Variants in CARHSP1 observed in about 807,000 individuals in gnomAD.
CARHSP1 encodes calcium-regulated heat-stable protein 1.
A neutral mutation model predicts 12.5 loss-of-function variants in CARHSP1; 14 were observed. That is an observed-to-expected ratio of 1.12 (90% CI 0.74 to 1.75). CARHSP1 has a LOEUF of 1.75. Ranked by LOEUF, CARHSP1 falls within the 40% of genes most tolerant of loss-of-function variation. The pLI is 0.00. For missense variants in CARHSP1, 343 were observed against 201.6 expected (o/e 1.70, Z -4.25); for synonymous variants, 161 against 82.0 (o/e 1.96, Z -5.20).
chr16:8,859,693 A>G, intron 1 of CARHSP1: 1 of 175,580 alleles, frequency 5.7e-6, no homozygotes. Flanking sequence ...ACCCAAAGCC[A>G]GGGGCCGGGC....
intron 1 of CARHSP1, chr16:8,859,680 A>C (rs776139151): frequency 7.6e-5 from 14 of 184,672 alleles, no homozygotes; most frequent in Non-Finnish European, 1.1e-5. Context: ...AGGTGAGCAG[A>C]AAACCCAAAG....
chr16:8,858,286 C>T, intron 3 of CARHSP1, 64 bp downstream of exon 3: 1 of 1,577,856 alleles, frequency 6.3e-7, no homozygotes, highest in South Asian at 1.1e-5. Context: ...ACACCATCCC[C>T]ACCTCCACAG....
intron 1 of CARHSP1, chr16:8,859,699 C>A (rs188618992): frequency 4.7e-5 from 8 of 169,728 alleles, no homozygotes; most frequent in Non-Finnish European, 7.5e-5. Context: ...AGCCAGGGGC[C>A]GGGCGCAGTG....
At chr16:8,856,210 G>A (rs576776330) in intron 3 of CARHSP1, among the ~76,000 whole-genome samples, 10 of 152,236 alleles carry the variant, frequency 6.6e-5, no homozygotes, top group Admixed American at 2.6e-4. Context: ...ACTTTCTAGG[G>A]GACATGAGTC....
chr16:8,861,861 C>A, intron 1 of CARHSP1: 1 of 1,172,762 alleles, frequency 8.5e-7, no homozygotes, highest in Non-Finnish European at 1.1e-6. Flanking sequence ...AGGGGAGGGC[C>A]CTGTCCAGGC....
intron 3 of CARHSP1, among the ~76,000 whole-genome samples, 169 bp from the exon 4 acceptor site, chr16:8,855,495 C>A (rs559925528): frequency 4.7e-4 from 72 of 152,312 alleles, no homozygotes; most frequent in Non-Finnish European, 7.4e-4. Context: ...AGCTGCCACA[C>A]TGCCCCCAGC....
intron 3 of CARHSP1, chr16:8,857,683 G>GGATTCAAGTGATTCTCCTGC (rs1430309246): frequency 4.0e-5 from 6 of 149,872 alleles, no homozygotes; most frequent in Non-Finnish European, 8.8e-5. Flanking sequence ...TCTACCTCCT[G>GGATTCAAGTGATTCTCCTGC]GATTCAAGTG....
At chr16:8,862,791 C>G (rs557221168) in intron 1 of CARHSP1, among the ~76,000 whole-genome samples, 22 of 152,122 alleles carry the variant, frequency 1.4e-4, no homozygotes, top group Non-Finnish European at 2.9e-5. Context: ...GGGTAGGGCC[C>G]GCTCAGGAAT....
intron 1 of CARHSP1, chr16:8,866,488 A>G (rs2061457131): frequency 2.0e-6 from 2 of 985,158 alleles, no homozygotes; most frequent in Middle Eastern, 5.2e-4. Context: ...CCCAGTCTCC[A>G]GCGCAGCTGA....
At chr16:8,858,845 G>C (rs1184652410) in intron 2 of CARHSP1, 1 of 408,956 alleles carries the variant, frequency 2.4e-6, no homozygotes, top group African/African-American at 2.0e-5. Flanking sequence ...TTGCAGCCCT[G>C]GTGCTGTGCC....
chr16:8,860,549 C>T, intron 1 of CARHSP1: 1 of 984,680 alleles, frequency 1.0e-6, no homozygotes, highest in Non-Finnish European at 1.2e-6. Context: ...AAGTCCTTTC[C>T]CATCTCTGGG....
intron 3 of CARHSP1, chr16:8,857,441 C>T (rs1458307320): frequency 9.9e-6 from 1 of 100,632 alleles, no homozygotes; most frequent in Non-Finnish European, 2.0e-5. Context: ...CGCCATCATT[C>T]CCCGCTTTTT....
intron 1 of CARHSP1, among the ~76,000 whole-genome samples, chr16:8,859,639 G>T (rs1188673149): frequency 6.6e-6 from 1 of 152,062 alleles, no homozygotes; most frequent in Non-Finnish European, 1.5e-5. Flanking sequence ...GCACATTTGG[G>T]ACACATAGTA....
At chr16:8,863,128 T>C (rs1254632226) in intron 1 of CARHSP1, among the ~76,000 whole-genome samples, 2 of 137,680 alleles carry the variant, frequency 1.5e-5, no homozygotes, top group Non-Finnish European at 3.1e-5. Flanking sequence ...TTTTTTTTTT[T>C]TTTTTTTTTC....
At chr16:8,855,695 T>C (rs1347752349) in intron 3 of CARHSP1, among the ~76,000 whole-genome samples, 2 of 152,164 alleles carry the variant, frequency 1.3e-5, no homozygotes, top group African/African-American at 4.8e-5. Flanking sequence ...AACAAGGCCA[T>C]CATGGAGTGA....
Position 8,859,290 on chromosome 16 carries a change from G to A in CARHSP1, c.39C>T (p.Thr13=). The A allele has an allele frequency of 6.2e-7, 1 of 1,604,148 alleles. No individual in the cohort carries two copies. The highest frequency in any genetic ancestry group is 8.5e-7 in the Non-Finnish European group (1 of 1,177,764). The part of the protein sequence containing the change: ...SEPPPPPQPP[T]HQASVGLLDT... ...CCAGCAGCCCGACTGAAGCTTGATGGGTGGGGGGCTGTGGTGGTGGGGGAG... is the reference window on the plus strand; with the variant it reads ...CCAGCAGCCCGACTGAAGCTTGATGAGTGGGGGGCTGTGGTGGTGGGGGAG... The change falls in exon 2 of 4, where the codon ACC becomes ACT. Residue 13 remains threonine, a synonymous_variant. Coordinates refer to ENST00000311052, the MANE Select transcript of CARHSP1 (RefSeq NM_014316.4).
intron 1 of CARHSP1, among the ~76,000 whole-genome samples, chr16:8,864,128 C>T (rs1050919134): frequency 2.0e-5 from 3 of 152,302 alleles, no homozygotes; most frequent in South Asian, 2.1e-4. Context: ...CATGTGTGCT[C>T]GTTTGTGCAC....
At chr16:8,861,720 G>A in intron 1 of CARHSP1, 3 of 1,288,106 alleles carry the variant, frequency 2.3e-6, no homozygotes, top group Non-Finnish European at 3.0e-6. Context: ...CCTGAGTCCG[G>A]GGAGCCCCCA....
Position 8,853,779 on chromosome 16 carries a change from A to G in CARHSP1, c.*1385T>C, listed in dbSNP as rs570116659. The stretch of plus-strand genomic sequence containing the variant: ...AAGATAACCTAAGGATTTGTTTACC[A>G]GAAATACCTACAAAAAAGTTTGCAG... On this transcript the variant is annotated 3_prime_UTR_variant, in exon 4 of 4. Coordinates refer to ENST00000311052, the MANE Select transcript of CARHSP1 (RefSeq NM_014316.4). 1 of 152,358 alleles carries G rather than the reference A, an allele frequency of 6.6e-6. No homozygotes were observed. Among genetic ancestry groups the G allele is most frequent in the Admixed American group, 6.5e-5 (1 of 15,306 alleles). 9.4% of individuals were successfully genotyped at this position (152,358 alleles called of 1,614,324 possible).
Sources: allele counts gnomAD v4.1 joint callset (sites outside exome capture counted in the v4.1 genomes callset), GRCh38; gene constraint gnomAD v4.1.1; transcripts MANE v1.5; gene names NCBI Gene and HGNC (gene_info 2026-07-23, HGNC 2026-07-21).